WASF1: variants seen among roughly 807,000 people sequenced by gnomAD.
The protein encoded by WASF1 is WASP family member 1, also known as actin-binding protein WASF1.
In WASF1, 7 loss-of-function variants were observed where a neutral mutation model predicts 50.5. The observed-to-expected ratio is 0.14, with a 90% CI of 0.08 to 0.26. The LOEUF (loss-of-function observed/expected upper bound fraction) is 0.26. Ranked by LOEUF, WASF1 falls within the 10% of genes least tolerant of loss-of-function variation. The probability of loss-of-function intolerance (pLI) is 1.00; values close to 1 mark genes in which losing one functional copy is unlikely to be tolerated. For missense variants in WASF1, 470 were observed against 694.7 expected (o/e 0.68, Z 3.64); for synonymous variants, 205 against 244.0 (o/e 0.84, Z 1.49).
chr6:110,155,660 G>GCTCA (rs1776038828), intron 3 of WASF1, among the ~76,000 whole-genome samples: 1 of 71,268 alleles, frequency 1.4e-5, no homozygotes, highest in Admixed American at 1.6e-4. Flanking sequence ...CCACTAATGT[G>GCTCA]TCATCTAGCA....
chr6:110,100,334 C>T lies in WASF1; in HGVS notation c.*188G>A. 3.6e-6 allele frequency: 2 copies of T among 549,490 alleles called. No individual in the cohort carries two copies. The highest frequency in any genetic ancestry group is 3.3e-5 in the South Asian group (1 of 30,030). The allele number at this position is 549,490 out of a possible 1,614,324, so 34.0% of individuals were successfully genotyped here. Reference sequence around the variant, plus strand: ...TTTTCAGGGGGAAAAAAAAGATAAGCCACTGTAAAACATTTAGTTTGAAAT... The same window carrying T: ...TTTTCAGGGGGAAAAAAAAGATAAGTCACTGTAAAACATTTAGTTTGAAAT... On this transcript the variant is annotated 3_prime_UTR_variant, in exon 11 of 11. Coordinates refer to ENST00000392589, the MANE Select transcript of WASF1 (RefSeq NM_003931.3).
chr6:110,103,350 A>G (rs1773177710), intron 9 of WASF1, 28 bp downstream of exon 9: 1 of 1,600,766 alleles, frequency 6.2e-7, no homozygotes, highest in Non-Finnish European at 8.5e-7. Flanking sequence ...CTCCTAAGAT[A>G]AAACATCATA....
intron 3 of WASF1, among the ~76,000 whole-genome samples, chr6:110,137,561 T>C (rs566169451): frequency 2.0e-5 from 3 of 152,214 alleles, no homozygotes; most frequent in Non-Finnish European, 4.4e-5. Flanking sequence ...TTTGTTTCTC[T>C]GATTATATAC....
At chr6:110,114,850 G>C (rs1378035805) in intron 4 of WASF1, among the ~76,000 whole-genome samples, 2 of 150,488 alleles carry the variant, frequency 1.3e-5, no homozygotes, top group Non-Finnish European at 3.0e-5. Flanking sequence ...CTAGCACTTT[G>C]AAAGGCTGAG....
At chr6:110,124,191 G>GTCTCTC (rs759865889) in intron 4 of WASF1, among the ~76,000 whole-genome samples, 9 of 91,278 alleles carry the variant, frequency 9.9e-5, no homozygotes, top group East Asian at 7.1e-4. Flanking sequence ...CCCCATCAGC[G>GTCTCTC]TCTCTCTCTC....
At chr6:110,118,347 C>CAAAAAAAAAAAAAAAAA (rs56948481) in intron 4 of WASF1, among the ~76,000 whole-genome samples, 1 of 7,496 alleles carries the variant, frequency 1.3e-4, no homozygotes, top group African/African-American at 4.3e-4. Context: ...AAACGGAAAG[C>CAAAAAAAAAAAAAAAAA]AAAAAAAAAA....
At chr6:110,143,562 G>A (rs1437036795) in intron 3 of WASF1, among the ~76,000 whole-genome samples, 1 of 152,072 alleles carries the variant, frequency 6.6e-6, no homozygotes, top group Non-Finnish European at 1.5e-5. Context: ...AAAATGGCCT[G>A]TAAAGTTTAT....
At position 110,100,405 on chromosome 6, in the gene WASF1, G is replaced by A. The variant is rs543787638; in HGVS notation, c.*117C>T. ...GAAATCAAAAGTTATGGAGGAAAAG[G>A]GTCATTTATTATAAGGAAAAGAAAG... On this transcript the variant is annotated 3_prime_UTR_variant, in exon 11 of 11. Coordinates refer to ENST00000392589, the MANE Select transcript of WASF1 (RefSeq NM_003931.3). The A allele has an allele frequency of 6.5e-5, 62 of 952,006 alleles. No individual in the cohort carries two copies. In the Middle Eastern group the frequency reaches 1.1e-3, roughly 16 times the overall value. 59.0% of individuals were successfully genotyped at this position (952,006 alleles called of 1,614,324 possible).
intron 2 of WASF1, among the ~76,000 whole-genome samples, chr6:110,164,634 G>C (rs140510519): frequency 1.3e-5 from 2 of 151,804 alleles, no homozygotes; most frequent in East Asian, 3.9e-4. Flanking sequence ...TTGGAAGACA[G>C]TTTGGCAGTT....
At chr6:110,108,919 G>A (rs766024593) in intron 5 of WASF1, among the ~76,000 whole-genome samples, 4 of 152,126 alleles carry the variant, frequency 2.6e-5, no homozygotes, top group Non-Finnish European at 5.9e-5. Context: ...TGAAGGCTCA[G>A]AGGGCCCTAA....
chr6:110,101,740 G>A lies in WASF1; in HGVS notation c.1370C>T (p.Pro457Leu), dbSNP rs777727637. ...ALAHPPSGLH[P>L]TPSTAPGPHV... ...GGGACCTGGGGCAGTAGATGGAGTT[G>A]GATGTAGCCCAGAGGGAGGATGAGC... Residue 457 changes from proline (P) to leucine (L), a missense_variant, in exon 10 of 11, where the codon CCA becomes CTA. Around this residue, in one of 3 missense-constraint regions of WASF1, gnomAD observed 294 missense variants for 343.5 expected, o/e 0.86. Transcript: ENST00000392589. The A allele has an allele frequency of 1.2e-6, 2 of 1,614,038 alleles. No individual in the cohort carries two copies. The highest frequency in any genetic ancestry group is 1.3e-5 in the African/African-American group (1 of 74,924).
At chr6:110,137,543 C>A (rs1775024126) in intron 3 of WASF1, among the ~76,000 whole-genome samples, 1 of 152,178 alleles carries the variant, frequency 6.6e-6, no homozygotes, top group Non-Finnish European at 1.5e-5. Context: ...ACTTATGCAG[C>A]TGTAACCTTT....
intron 2 of WASF1, among the ~76,000 whole-genome samples, chr6:110,173,513 T>C (rs1467976249): frequency 1.3e-5 from 2 of 152,182 alleles, no homozygotes; most frequent in African/African-American, 4.8e-5. Context: ...CTATTAGCCA[T>C]GTGACCTTGA....
intron 3 of WASF1, among the ~76,000 whole-genome samples, chr6:110,139,437 CAT>C (rs1365758404): frequency 1.3e-5 from 2 of 152,246 alleles, no homozygotes. Flanking sequence ...GCAGCTGCTA[CAT>C]ACGGGCTGCT....
chr6:110,101,399 C>T (rs76612383), intron 10 of WASF1, among the ~76,000 whole-genome samples, 189 bp downstream of exon 10: 1 of 152,014 alleles, frequency 6.6e-6, no homozygotes, highest in Admixed American at 6.6e-5. Context: ...ATAAAATGGT[C>T]AAATGTGATA....
At position 110,100,630 on chromosome 6, in the gene WASF1, A is replaced by G. The variant is rs1291034801; in HGVS notation, c.1572T>C (p.His524=). The change falls in exon 11 of 11, where the codon CAT becomes CAC. Residue 524 remains histidine (H), a synonymous_variant. Coordinates refer to ENST00000392589, the MANE Select transcript of WASF1 (RefSeq NM_003931.3). ...TGGCAACATCGTTTTCAATGCGTTC[A>G]TGCTTAGCTTCCTGTTCACGCTGCT... The part of the protein sequence containing the change: ...VEEQREQEAK[H]ERIENDVATI... The G allele has an allele frequency of 3.1e-6, 5 of 1,613,740 alleles. No individual in the cohort carries two copies. In the South Asian group the frequency reaches 5.5e-5, roughly 18 times the overall value.
At chr6:110,179,173 G>A (rs1034192060) in intron 1 of WASF1, among the ~76,000 whole-genome samples, 7 of 152,296 alleles carry the variant, frequency 4.6e-5, no homozygotes, top group East Asian at 1.9e-4. Flanking sequence ...TCTCCAGCGA[G>A]AGCAGCCCCG....
intron 4 of WASF1, among the ~76,000 whole-genome samples, chr6:110,114,631 T>C (rs923393020): frequency 2.6e-5 from 4 of 151,826 alleles, no homozygotes; most frequent in African/African-American, 9.7e-5. Context: ...AGGCAAAGGA[T>C]CTAAACCTGG....
chr6:110,161,983 C>A (rs180929595), intron 2 of WASF1, among the ~76,000 whole-genome samples: 5 of 151,560 alleles, frequency 3.3e-5, no homozygotes, highest in Admixed American at 6.6e-5. Context: ...TTAAATAAAT[C>A]TAAAGTTTAT....
Sources: allele counts gnomAD v4.1 joint callset (sites outside exome capture counted in the v4.1 genomes callset), GRCh38; gene constraint gnomAD v4.1.1; regional missense constraint gnomAD v4.1.1; transcripts MANE v1.5; gene names NCBI Gene and HGNC (gene_info 2026-07-23, HGNC 2026-07-21).